NHEJ1: variants seen among roughly 807,000 people sequenced by gnomAD.
The protein encoded by NHEJ1 is non-homologous end-joining factor 1.
A neutral mutation model predicts 39.4 loss-of-function variants in NHEJ1; 22 were observed. The observed-to-expected ratio is 0.56, with a 90% CI of 0.40 to 0.80. NHEJ1 has a LOEUF of 0.80. Among genes scored for constraint, NHEJ1 ranks in the 30% least tolerant of loss-of-function variants. The pLI, the probability that NHEJ1 is intolerant of heterozygous loss-of-function variation, is 0.00. For missense variants in NHEJ1, 329 were observed against 357.1 expected (o/e 0.92, Z 0.63); for synonymous variants, 154 against 135.6 (o/e 1.14, Z -0.94).
intron 5 of NHEJ1, among the ~76,000 whole-genome samples, chr2:219,083,994 TTTTC>T (rs1278785002): frequency 3.3e-5 from 5 of 150,926 alleles, no homozygotes; most frequent in African/African-American, 1.2e-4. Flanking sequence ...ACTCAGGATA[TTTTC>T]TTTCTTTGCT....
At chr2:219,144,951 A>C (rs1949721806) in intron 5 of NHEJ1, among the ~76,000 whole-genome samples, 1 of 152,176 alleles carries the variant, frequency 6.6e-6, no homozygotes, top group Non-Finnish European at 1.5e-5. Flanking sequence ...ATGGTGGCTC[A>C]CATCTATAAT....
intron 5 of NHEJ1, among the ~76,000 whole-genome samples, chr2:219,087,794 T>C (rs1949124998): frequency 6.6e-6 from 1 of 152,198 alleles, no homozygotes; most frequent in South Asian, 2.1e-4. Context: ...TAAGAACTTC[T>C]GTTCATCTAA....
intron 5 of NHEJ1, among the ~76,000 whole-genome samples, chr2:219,138,215 T>C (rs1485981399): frequency 6.6e-6 from 1 of 152,192 alleles, no homozygotes; most frequent in East Asian, 1.9e-4. Flanking sequence ...CAGGATTTTG[T>C]TAGGTACTTA....
chr2:219,115,817 T>G (rs1453006395), intron 5 of NHEJ1, among the ~76,000 whole-genome samples: 1 of 152,138 alleles, frequency 6.6e-6, no homozygotes, highest in South Asian at 2.1e-4. Context: ...GAAAAAGATG[T>G]TATCACATCA....
intron 5 of NHEJ1, among the ~76,000 whole-genome samples, chr2:219,116,933 A>G (rs1949421571): frequency 6.6e-6 from 1 of 152,160 alleles, no homozygotes; most frequent in South Asian, 2.1e-4. Flanking sequence ...TAGGGCAAAC[A>G]TGTCACAGCC....
At chr2:219,155,782 G>A (rs980274279) in intron 3 of NHEJ1, among the ~76,000 whole-genome samples, 5 of 151,100 alleles carry the variant, frequency 3.3e-5, no homozygotes, top group South Asian at 2.1e-4. Flanking sequence ...AAAATTAGCC[G>A]GGCGTGGTGG....
intron 1 of NHEJ1, 52 bp from the exon 2 acceptor site, chr2:219,158,414 G>A (rs564733964): frequency 1.3e-6 from 2 of 1,571,414 alleles, no homozygotes; most frequent in East Asian, 4.5e-5. Context: ...GCTGGCCTAG[G>A]GAGGGCACCA....
At chr2:219,095,732 G>A (rs1041498022) in intron 5 of NHEJ1, among the ~76,000 whole-genome samples, 4 of 152,268 alleles carry the variant, frequency 2.6e-5, no homozygotes, top group African/African-American at 9.6e-5. Context: ...AGAGAGCTAA[G>A]GGGCAGGTTT....
In NHEJ1 at chr2:219,089,639, T is replaced by C. The variant is rs998899222; in HGVS notation, c.589-11433A>G. ...GCATTTATTTTTGGGGTGATGAAAATGTTCTGGAATTAGACAGTAGTTATG... is the reference window on the plus strand; with the variant it reads ...GCATTTATTTTTGGGGTGATGAAAACGTTCTGGAATTAGACAGTAGTTATG... On this transcript the variant is annotated intron_variant, in intron 5 of 7. Coordinates refer to ENST00000356853, the MANE Select transcript of NHEJ1 (RefSeq NM_024782.3). 5.3e-5 allele frequency among the ~76,000 whole-genome samples: 8 copies of C among 152,242 alleles called. No homozygotes were observed. In the East Asian group the frequency reaches 1.5e-3, roughly 29 times the overall value.
intron 5 of NHEJ1, among the ~76,000 whole-genome samples, chr2:219,112,846 C>A (rs1001831987): frequency 6.6e-6 from 1 of 152,050 alleles, no homozygotes; most frequent in African/African-American, 2.4e-5. Context: ...AGAAAAAGAC[C>A]AGATCCATCT....
chr2:219,110,150 A>G (rs914213837), intron 5 of NHEJ1, among the ~76,000 whole-genome samples: 1 of 152,148 alleles, frequency 6.6e-6, no homozygotes, highest in Non-Finnish European at 1.5e-5. Context: ...AGAGACAGCA[A>G]TGAACACACA....
At position 219,076,557 on chromosome 2, in the gene NHEJ1, CTTTTTTTTTTTTT is replaced by C. The variant is rs778354452; in HGVS notation, c.826-115_826-103del. The C allele has an allele frequency of 1.6e-4, 74 of 457,710 alleles. 1 individual carries two copies. The highest frequency in any genetic ancestry group is 1.2e-3 in the South Asian group (57 of 47,100). 28.4% of individuals were successfully genotyped at this position (457,710 alleles called of 1,614,324 possible). ...TCATGGCTCCTGGTTAGGATGAGGC[CTTTTTTTTTTTTT>C]TTTTTTTTTTCCACCCAGGCTGGAG... On this transcript the variant is annotated intron_variant, in intron 7 of 7. Transcript: ENST00000356853.
chr2:219,105,558 T>G (rs1022066891), intron 5 of NHEJ1, among the ~76,000 whole-genome samples: 2 of 152,214 alleles, frequency 1.3e-5, no homozygotes, highest in Non-Finnish European at 2.9e-5. Flanking sequence ...TCACGAAGTA[T>G]TTAAAGAAGA....
At position 219,071,855 on chromosome 2, in the gene NHEJ1, T is replaced by C. The variant is rs923848718; in HGVS notation, c.*4526A>G. The stretch of plus-strand genomic sequence containing the variant: ...GTGGGTGGAAGGATAGCAAAATCTG[T>C]TGGGCTCCAAATAGAGAAACTGAGT... On this transcript the variant is annotated 3_prime_UTR_variant, in exon 8 of 8. Transcript: ENST00000356853. Among the ~76,000 whole-genome samples, 3 of 152,200 alleles carry C rather than the reference T, an allele frequency of 2.0e-5. No homozygotes were observed. The highest frequency in any genetic ancestry group is 4.4e-5 in the Non-Finnish European group (3 of 68,038).
At chr2:219,139,095 C>CT (rs969313532) in intron 5 of NHEJ1, among the ~76,000 whole-genome samples, 192 of 148,576 alleles carry the variant, frequency 1.3e-3, no homozygotes, top group South Asian at 2.8e-3. Flanking sequence ...TTTTCTTTTT[C>CT]TTTTTTTTTT....
intron 5 of NHEJ1, among the ~76,000 whole-genome samples, chr2:219,119,191 T>G (rs953977495): frequency 3.3e-5 from 5 of 152,088 alleles, no homozygotes; most frequent in African/African-American, 1.2e-4. Flanking sequence ...AAAAGAAACC[T>G]ATCTGTAAAG....
rs753495484 is a variant in NHEJ1 at position 219,078,208 on chromosome 2, T to C, written c.589-2A>G. On this transcript the variant is annotated splice_acceptor_variant, in intron 5 of 7. Transcript: ENST00000356853. LOFTEE classifies it high-confidence loss of function. The stretch of plus-strand genomic sequence containing the variant: ...AATGCTGCATGCCTCTGGCAGTTTC[T>C]GTAAGAGAGAGGAGATACTGTCATT... 6.2e-7 allele frequency: 1 copy of C among 1,611,982 alleles called. No individual in the cohort carries two copies. Among genetic ancestry groups the C allele is most frequent in the South Asian group, 1.1e-5 (1 of 91,040 alleles).
At chr2:219,136,118 T>C (rs530873717) in intron 5 of NHEJ1, among the ~76,000 whole-genome samples, 1 of 152,266 alleles carries the variant, frequency 6.6e-6, no homozygotes, top group East Asian at 1.9e-4. Context: ...TTTTGTAATA[T>C]CTGGTTTTGA....
chr2:219,083,707 A>T (rs1949086980), intron 5 of NHEJ1, among the ~76,000 whole-genome samples: 1 of 152,220 alleles, frequency 6.6e-6, no homozygotes, highest in African/African-American at 2.4e-5. Flanking sequence ...AAATGAGAGA[A>T]TCGAGTAAGT....
Sources: gnomAD v4.1 joint callset for allele counts (sites outside exome capture counted in the v4.1 genomes callset) on GRCh38, gnomAD v4.1.1 for gene constraint, MANE v1.5 for transcripts, NCBI Gene and HGNC (gene_info 2026-07-23, HGNC 2026-07-21) for gene names.